The following EXOC4 variants were observed in gnomAD, a reference collection of about 807,000 sequenced individuals.
The protein encoded by EXOC4 is SEC8-like 1.
A neutral mutation model predicts 107.2 loss-of-function variants in EXOC4; 71 were observed. The ratio of observed to expected loss-of-function variants is 0.66; its 90% CI spans 0.55 to 0.81. The LOEUF (loss-of-function observed/expected upper bound fraction) is 0.81. Among genes scored for constraint, EXOC4 ranks in the 30% least tolerant of loss-of-function variants. EXOC4 has a pLI of 0.00. For missense variants in EXOC4, 1,108 were observed against 1,189.6 expected (o/e 0.93, Z 1.01); for synonymous variants, 456 against 441.2 (o/e 1.03, Z -0.42).
At chr7:133,381,265 T>TAAC (rs68135009) in intron 7 of EXOC4, among the ~76,000 whole-genome samples, 2 of 4,184 alleles carry the variant, frequency 4.8e-4, no homozygotes, top group African/African-American at 3.9e-3. Flanking sequence ...CAGTACTGAG[T>TAAC]ATTAAGCTAT....
chr7:133,809,926 A>G (rs1416499320), intron 10 of EXOC4, among the ~76,000 whole-genome samples: 3 of 152,100 alleles, frequency 2.0e-5, no homozygotes, highest in Non-Finnish European at 4.4e-5. Context: ...TTGATTTTGT[A>G]TTTTGGTTTC....
intron 7 of EXOC4, among the ~76,000 whole-genome samples, chr7:133,471,017 G>C (rs999659606): frequency 6.6e-6 from 1 of 152,122 alleles, no homozygotes; most frequent in Admixed American, 6.5e-5. Context: ...TTAATACTAG[G>C]CATCTGATGT....
intron 11 of EXOC4, among the ~76,000 whole-genome samples, chr7:133,821,079 A>C (rs773191440): frequency 7.9e-5 from 12 of 152,252 alleles, no homozygotes; most frequent in Admixed American, 2.0e-4. Context: ...GCAGAGTAAC[A>C]CTAGTGGTAA....
intron 7 of EXOC4, among the ~76,000 whole-genome samples, chr7:133,424,168 G>T (rs1429016678): frequency 6.6e-6 from 1 of 152,086 alleles, no homozygotes; most frequent in Middle Eastern, 3.2e-3. Flanking sequence ...AACCTGGTGG[G>T]GTCACCTTCC....
In EXOC4 at chr7:133,423,844, C is replaced by A. The variant is rs551049849; in HGVS notation, c.1182+48842C>A. On this transcript the variant is annotated intron_variant, in intron 7 of 17. Transcript: ENST00000253861. ...CTCGGAGGGCCCGCACTTGGCACAG[C>A]CAGCTGGCGCCTGCTGGACTTGATA... Among the ~76,000 whole-genome samples the A allele has an allele frequency of 1.5e-3, 227 of 152,274 alleles. 2 individuals carry two copies. Among genetic ancestry groups the A allele is most frequent in the African/African-American group, 5.2e-3 (217 of 41,548 alleles).
intron 10 of EXOC4, among the ~76,000 whole-genome samples, chr7:133,779,879 C>T (rs1796425633): frequency 6.6e-6 from 1 of 152,106 alleles, no homozygotes. Context: ...CAGCCAGCAG[C>T]AGCAACATTT....
At chr7:133,787,587 G>A (rs975152421) in intron 10 of EXOC4, among the ~76,000 whole-genome samples, 2 of 151,600 alleles carry the variant, frequency 1.3e-5, no homozygotes, top group Non-Finnish European at 2.9e-5. Flanking sequence ...TCTGGAGGCT[G>A]GACATTCAAG....
At chr7:133,853,396 AC>A (rs1554409541) in intron 11 of EXOC4, among the ~76,000 whole-genome samples, 8 of 127,932 alleles carry the variant, frequency 6.3e-5, no homozygotes, top group Non-Finnish European at 9.9e-5. Flanking sequence ...ACACACACAC[AC>A]AACTTTTTAG....
intron 13 of EXOC4, among the ~76,000 whole-genome samples, chr7:133,927,505 A>G (rs1053502286): frequency 6.6e-6 from 1 of 152,260 alleles, no homozygotes; most frequent in African/African-American, 2.4e-5. Flanking sequence ...TAGCTATTGA[A>G]GAATCTTCAG....
intron 5 of EXOC4, among the ~76,000 whole-genome samples, chr7:133,324,407 T>G (rs1410646230): frequency 3.3e-5 from 5 of 152,248 alleles, no homozygotes; most frequent in Non-Finnish European, 1.5e-5. Context: ...TCTGGTATGT[T>G]GTGTCTTTGT....
rs535032461 is a variant in EXOC4 at position 133,739,591 on chromosome 7, A to G, written c.1515-77734A>G. Among the ~76,000 whole-genome samples, 12 of 152,330 alleles carry G rather than the reference A, an allele frequency of 7.9e-5. No homozygotes were observed. The South Asian group carries it at 2.1e-3, about 26-fold the overall frequency. ...CCAGGAAAGTTGGAGCAGCTGCCTC[A>G]TGAAAAGTTGCTAAGCAGCAACATT... On this transcript the variant is annotated intron_variant, in intron 10 of 17. Coordinates refer to ENST00000253861, the MANE Select transcript of EXOC4 (RefSeq NM_021807.4).
At chr7:133,899,810 A>G (rs573469518) in intron 12 of EXOC4, among the ~76,000 whole-genome samples, 74 of 141,842 alleles carry the variant, frequency 5.2e-4, no homozygotes, top group Admixed American at 2.0e-3. Context: ...CAGTGGCGCA[A>G]TCTTGGCTCA....
intron 11 of EXOC4, among the ~76,000 whole-genome samples, chr7:133,852,769 T>G (rs1798262641): frequency 6.6e-6 from 1 of 152,198 alleles, no homozygotes; most frequent in African/African-American, 2.4e-5. Flanking sequence ...GGGGAACAAG[T>G]AAAAGCTTAT....
intron 11 of EXOC4, among the ~76,000 whole-genome samples, chr7:133,847,748 G>A (rs1292352278): frequency 2.0e-5 from 3 of 151,400 alleles, no homozygotes; most frequent in Non-Finnish European, 2.9e-5. Flanking sequence ...CGCTCTTGTC[G>A]CCCAGGTTGA....
rs1412540192 is a variant in EXOC4, at chr7:133,896,875, GGCTGGTC to G, written c.1871+1143_1871+1149del. Among the ~76,000 whole-genome samples the G allele has an allele frequency of 1.3e-4, 8 of 63,952 alleles. 2 individuals are homozygous for G. The East Asian group carries it at 2.6e-3, about 21-fold the overall frequency. The allele number at this position is 63,952 out of a possible 152,430, so 42.0% of individuals were successfully genotyped here. On this transcript the variant is annotated intron_variant, in intron 12 of 17. Coordinates refer to ENST00000253861, the MANE Select transcript of EXOC4 (RefSeq NM_021807.4). ...AGATGGGGTTTCACCATGTTGGCCA[GGCTGGTC>G]GCGAATTCCTAACCTCATGATCCGC...
chr7:133,570,161 G>A (rs1039309382), intron 9 of EXOC4, among the ~76,000 whole-genome samples: 23 of 152,140 alleles, frequency 1.5e-4, no homozygotes, highest in Non-Finnish European at 1.2e-4. Context: ...TTGGCACAGT[G>A]TCAATATATA....
intron 10 of EXOC4, among the ~76,000 whole-genome samples, chr7:133,748,185 A>G (rs1447894024): frequency 6.6e-6 from 1 of 152,156 alleles, no homozygotes; most frequent in Non-Finnish European, 1.5e-5. Flanking sequence ...TCACTGATCA[A>G]TTATTGACCT....
At chr7:133,788,650 G>T (rs534383442) in intron 10 of EXOC4, among the ~76,000 whole-genome samples, 1 of 151,956 alleles carries the variant, frequency 6.6e-6, no homozygotes, top group Non-Finnish European at 1.5e-5. Context: ...CCGCCACCAC[G>T]CCTGGCTAAT....
In EXOC4 at chr7:134,064,370, C is replaced by A; in HGVS notation, c.2767C>A (p.Leu923Met). 6.3e-7 allele frequency: 1 copy of A among 1,575,768 alleles called. No homozygotes were observed. The highest frequency in any genetic ancestry group is 2.3e-5 in the East Asian group (1 of 43,028). Residue 923 changes from leucine to methionine, a missense_variant, in exon 18 of 18, where the codon CTG becomes ATG. By Grantham distance (15) the Leu-to-Met change is conservative. Coordinates refer to ENST00000253861, the MANE Select transcript of EXOC4 (RefSeq NM_021807.4). ...GGACCAGGGTGTGAAGTACACGGAG[C>A]TGGAGTACATCCACGCTCTGACCCT... is the stretch of plus-strand genomic sequence containing the variant. ...VVDQGVKYTE[L>M]EYIHALTLLH... is the part of the protein sequence containing the mutation.
Sources: allele counts gnomAD v4.1 joint callset (sites outside exome capture counted in the v4.1 genomes callset), GRCh38; gene constraint gnomAD v4.1.1; transcripts MANE v1.5; gene names NCBI Gene and HGNC (gene_info 2026-07-23, HGNC 2026-07-21).